Variants in ACTR3C observed in about 807,000 individuals in gnomAD.
ACTR3C encodes actin-related protein 3C.
ACTR3C carries 18 observed loss-of-function variants against 26.3 expected under a neutral mutation model. The observed-to-expected ratio is 0.68, with a 90% CI of 0.47 to 1.01. The LOEUF is 1.01. Ranked by LOEUF, ACTR3C falls within the 50% of genes least tolerant of loss-of-function variation. ACTR3C has a pLI of 0.00. For synonymous variants in ACTR3C, 55 were observed against 94.5 expected (o/e 0.58, Z 2.42); for missense variants, 184 against 250.7 (o/e 0.73, Z 1.80).
At chr7:149,950,352 G>T in the ACTR3C span, among the ~76,000 whole-genome samples, 1 of 146,554 alleles carries the variant, frequency 6.8e-6, no homozygotes, top group Admixed American at 6.6e-5. Flanking sequence ...TGCGAGACGG[G>T]GGGAGGGAGG....
rs1832531734 is a variant in ACTR3C at position 150,247,524 on chromosome 7, A to G, written c.*84T>C. 1 of 139,790 alleles carries G rather than the reference A, an allele frequency of 7.2e-6. No homozygotes were observed. Among genetic ancestry groups the G allele is most frequent in the African/African-American group, 2.7e-5 (1 of 36,688 alleles). The allele number at this position is 139,790 out of a possible 1,614,324, so 8.7% of individuals were successfully genotyped here. ...GAGTTTTTCTTGAGAATGAATTTTT[A>G]TACAAAGAAAAGGGAGAGGAAGAGA... On this transcript the variant is annotated 3_prime_UTR_variant, in exon 8 of 8. Transcript: ENST00000683684.
the ACTR3C span, chr7:150,041,542 TCGCGGGGGG>T: frequency 5.0e-6 from 1 of 201,200 alleles, no homozygotes; most frequent in African/African-American, 2.9e-5. Context: ...AGTCCCCGCC[TCGCGGGGGG>T]TGCCTCCCCC....
At chr7:150,049,479 G>T in the ACTR3C span, among the ~76,000 whole-genome samples, 1 of 152,208 alleles carries the variant, frequency 6.6e-6, no homozygotes, top group East Asian at 1.9e-4. Context: ...TCATCTCCCA[G>T]GACTGCTAAG....
the ACTR3C span, among the ~76,000 whole-genome samples, chr7:150,201,619 G>T: frequency 6.6e-6 from 1 of 151,652 alleles, no homozygotes; most frequent in African/African-American, 2.4e-5. Context: ...TTAACCAGGT[G>T]TTATGGTAGG....
intron 6 of ACTR3C, among the ~76,000 whole-genome samples, chr7:150,263,405 T>C (rs1332862991): frequency 1.3e-5 from 2 of 151,992 alleles, no homozygotes; most frequent in Non-Finnish European, 2.9e-5. Context: ...ATTAAGAGAA[T>C]TGTTGGCCTG....
chr7:150,318,889 C>A (rs978261471), intron 1 of ACTR3C, among the ~76,000 whole-genome samples: 1 of 152,244 alleles, frequency 6.6e-6, no homozygotes, highest in South Asian at 2.1e-4. Context: ...ATGCATTTCA[C>A]TCCCTTAGGG....
At chr7:150,242,218 A>G (rs1391039776), downstream of ACTR3C, among the ~76,000 whole-genome samples, 3 of 150,974 alleles carry the variant, frequency 2.0e-5, no homozygotes, top group African/African-American at 4.9e-5. Flanking sequence ...CTTGTCTCAA[A>G]AAAAAAAAAA....
intron 6 of ACTR3C, among the ~76,000 whole-genome samples, chr7:150,284,501 G>A (rs1338293552): frequency 2.6e-5 from 4 of 152,062 alleles, no homozygotes; most frequent in Non-Finnish European, 4.4e-5. Flanking sequence ...AGCTGAGATC[G>A]CACCACTGCA....
the ACTR3C span, among the ~76,000 whole-genome samples, chr7:149,932,002 A>C: frequency 6.6e-6 from 1 of 152,230 alleles, no homozygotes; most frequent in Non-Finnish European, 1.5e-5. Context: ...TATAAATCTA[A>C]CAGTTATATC....
chr7:150,198,707 G>A, the ACTR3C span, among the ~76,000 whole-genome samples: 13 of 149,588 alleles, frequency 8.7e-5, no homozygotes, highest in African/African-American at 7.5e-5. Context: ...CATCTGGGAA[G>A]TGAGGAGCGT....
At chr7:149,934,180 T>C in the ACTR3C span, among the ~76,000 whole-genome samples, 26 of 148,000 alleles carry the variant, frequency 1.8e-4, no homozygotes, top group East Asian at 6.0e-4. Context: ...GTGTCAAGTT[T>C]GACTCAATGC....
At chr7:149,908,931 A>G in the ACTR3C span, among the ~76,000 whole-genome samples, 163 of 152,076 alleles carry the variant, frequency 1.1e-3, 2 homozygotes, top group South Asian at 0.033. Flanking sequence ...ACAGGCACGC[A>G]CCACCACACC....
chr7:150,272,715 A>T, intron 6 of ACTR3C, among the ~76,000 whole-genome samples: 1 of 128,030 alleles, frequency 7.8e-6, no homozygotes. Flanking sequence ...TTTTGAGACA[A>T]GGTCTCACTC....
the ACTR3C span, among the ~76,000 whole-genome samples, chr7:149,950,306 G>A: frequency 7.0e-6 from 1 of 143,474 alleles, no homozygotes; most frequent in Non-Finnish European, 1.5e-5. Flanking sequence ...AGCCTGCAGG[G>A]AGCACCTGCT....
At chr7:149,963,940 G>A in the ACTR3C span, among the ~76,000 whole-genome samples, 1 of 152,104 alleles carries the variant, frequency 6.6e-6, no homozygotes, top group East Asian at 1.9e-4. Flanking sequence ...TGAATCCAAC[G>A]GACAACGATA....
the ACTR3C span, among the ~76,000 whole-genome samples, chr7:150,112,541 T>C: frequency 6.6e-6 from 1 of 152,096 alleles, no homozygotes; most frequent in Non-Finnish European, 1.5e-5. Context: ...CGCGGACTGG[T>C]CCACTCCAGC....
chr7:149,981,672 A>G, the ACTR3C span, among the ~76,000 whole-genome samples: 1 of 151,498 alleles, frequency 6.6e-6, no homozygotes, highest in Non-Finnish European at 1.5e-5. Flanking sequence ...GCACAAAGGC[A>G]TTTGTCTTTC....
At chr7:150,087,491 C>T in the ACTR3C span, among the ~76,000 whole-genome samples, 1 of 152,270 alleles carries the variant, frequency 6.6e-6, no homozygotes, top group Non-Finnish European at 1.5e-5. Context: ...GACTATGACC[C>T]TGGAGGTGAA....
At chr7:150,004,824 A>G in the ACTR3C span, 1 of 152,280 alleles carries the variant, frequency 6.6e-6, no homozygotes, top group Admixed American at 6.5e-5. Context: ...TGTTCTGAAA[A>G]ATGTAACGGC....
Sources: allele counts gnomAD v4.1 joint callset (sites outside exome capture counted in the v4.1 genomes callset), GRCh38; gene constraint gnomAD v4.1.1; transcripts MANE v1.5; gene names NCBI Gene and HGNC (gene_info 2026-07-23, HGNC 2026-07-21).